The following PPP1R12C variants were observed in gnomAD, a reference collection of about 807,000 sequenced individuals.
PPP1R12C encodes protein phosphatase 1 regulatory subunit 12C, also known as leukocyte receptor cluster (LRC) encoded novel gene 3.
A neutral mutation model predicts 95.6 loss-of-function variants in PPP1R12C; 48 were observed. The ratio of observed to expected loss-of-function variants is 0.50; its 90% CI spans 0.40 to 0.64. PPP1R12C has a LOEUF of 0.64. Among genes scored for constraint, PPP1R12C ranks in the 30% least tolerant of loss-of-function variants. The pLI, the probability that PPP1R12C is intolerant of heterozygous loss-of-function variation, is 0.00. For synonymous variants in PPP1R12C, 480 were observed against 460.8 expected (o/e 1.04, Z -0.53); for missense variants, 1,057 against 1,083.3 (o/e 0.98, Z 0.34).
In PPP1R12C at chr19:55,112,597, G is replaced by A. The variant is rs1707587115; in HGVS notation, c.453-12C>T. ...GGCTCAGGAGGTACCTGGGGGTGGG[G>A]GCTGGTCAGGGCTGAGGGTCCAGGC... On this transcript the variant is annotated splice_polypyrimidine_tract_variant and intron_variant, in intron 2 of 21. Coordinates refer to ENST00000263433, the MANE Select transcript of PPP1R12C (RefSeq NM_017607.4). 1.6e-5 allele frequency: 25 copies of A among 1,612,568 alleles called. No homozygotes were observed. Among genetic ancestry groups the A allele is most frequent in the Non-Finnish European group, 2.1e-5 (25 of 1,179,264 alleles).
At chr19:55,101,007 G>A (rs1047743369) in intron 4 of PPP1R12C, among the ~76,000 whole-genome samples, 1 of 152,164 alleles carries the variant, frequency 6.6e-6, no homozygotes, top group Non-Finnish European at 1.5e-5. Context: ...CCAGCACTCT[G>A]GGAGGCTGAG....
At chr19:55,102,682 A>C (rs1485924782) in intron 4 of PPP1R12C, among the ~76,000 whole-genome samples, 1 of 152,226 alleles carries the variant, frequency 6.6e-6, no homozygotes, top group Non-Finnish European at 1.5e-5. Flanking sequence ...ATATCACTAA[A>C]GATAAAGAAG....
intron 3 of PPP1R12C, 118 bp downstream of exon 3, chr19:55,112,349 A>C: frequency 1.1e-6 from 1 of 891,964 alleles, no homozygotes; most frequent in Non-Finnish European, 1.7e-6. Context: ...GGCACAAAGA[A>C]AGACAATCCT....
chr19:55,114,846 G>C (rs1248139007), intron 1 of PPP1R12C: 1 of 152,146 alleles, frequency 6.6e-6, no homozygotes, highest in African/African-American at 2.4e-5. Context: ...TCCAGGCCAA[G>C]TAGGTGGCCT....
At chr19:55,110,030 G>C (rs1459743815) in intron 3 of PPP1R12C, among the ~76,000 whole-genome samples, 2 of 152,194 alleles carry the variant, frequency 1.3e-5, no homozygotes, top group African/African-American at 2.4e-5. Context: ...CCACGGGAGG[G>C]AAGAAGCATG....
intron 3 of PPP1R12C, among the ~76,000 whole-genome samples, chr19:55,106,129 A>C (rs1369226388): frequency 6.6e-6 from 1 of 152,156 alleles, no homozygotes; most frequent in African/African-American, 2.4e-5. Flanking sequence ...GCACTAGTGG[A>C]ATAGTGGTGC....
In PPP1R12C at chr19:55,092,796, C is replaced by G; in HGVS notation, c.1898G>C (p.Arg633Thr). ...REHRKVGKEW[R>T]GPAEGEEAEP... ...TGAGCCCCTCACCTCCGCAGGCCCC[C>G]TCCACTCCTTTCCGACCTTGCGGTG... Residue 633 changes from arginine (R) to threonine (T), a missense_variant, in exon 16 of 22, where the codon AGG becomes ACG. This residue lies in a region of PPP1R12C where 347 missense variants were observed against 307.9 expected (regional missense o/e 1.13). Transcript: ENST00000263433. 1.9e-6 allele frequency: 3 copies of G among 1,559,968 alleles called. No homozygotes were observed. The highest frequency in any genetic ancestry group is 2.6e-6 in the Non-Finnish European group (3 of 1,152,066).
rs142665039 is a variant in PPP1R12C at position 55,102,766 on chromosome 19, T to C, written c.731+643A>G. Among the ~76,000 whole-genome samples the C allele has an allele frequency of 4.2e-3, 633 of 152,314 alleles. 4 individuals are homozygous for C. Among genetic ancestry groups the C allele is most frequent in the African/African-American group, 0.015 (610 of 41,568 alleles). On this transcript the variant is annotated intron_variant, in intron 4 of 21. Transcript: ENST00000263433. ...GAGAACACTGTACCTGATGACACCATTCTTTTCCGACTTACATGTACTGGG... is the reference window on the plus strand; with the variant it reads ...GAGAACACTGTACCTGATGACACCACTCTTTTCCGACTTACATGTACTGGG...
rs546661759 is a variant in PPP1R12C at position 55,109,454 on chromosome 19, G to A, written c.571+3013C>T. Among the ~76,000 whole-genome samples, 1 of 152,360 alleles carries A rather than the reference G, an allele frequency of 6.6e-6. No individual in the cohort carries two copies. Among genetic ancestry groups the A allele is most frequent in the South Asian group, 2.1e-4 (1 of 4,830 alleles). The stretch of plus-strand genomic sequence containing the variant: ...GAACGGGTTTTGGTTCTTGCAAAGA[G>A]TCATGCCCGATTCAGCCCCTGAGTC... On this transcript the variant is annotated intron_variant, in intron 3 of 21. Transcript: ENST00000263433. The surrounding 1 kb of genome is among the most constrained non-coding windows in gnomAD (Gnocchi z 4.4).
At position 55,098,870 on chromosome 19, in the gene PPP1R12C, G is replaced by A. The variant is rs1396314974; in HGVS notation, c.877-12C>T. On this transcript the variant is annotated splice_polypyrimidine_tract_variant and intron_variant, in intron 5 of 21. Coordinates refer to ENST00000263433, the MANE Select transcript of PPP1R12C (RefSeq NM_017607.4). ...CAGGGACGCTGCCCCTGGGTCAGGG[G>A]AGGAGCAGGATCAGACAATGAAGGA... 6.2e-7 allele frequency: 1 copy of A among 1,612,934 alleles called. No homozygotes were observed. Among genetic ancestry groups the A allele is most frequent in the Non-Finnish European group, 8.5e-7 (1 of 1,179,724 alleles).
intron 16 of PPP1R12C, 50 bp downstream of exon 16, chr19:55,092,733 G>A (rs1602968927): frequency 3.3e-6 from 5 of 1,519,492 alleles, no homozygotes; most frequent in African/African-American, 1.4e-5. Flanking sequence ...GGCTTTGCCC[G>A]CCCCCCGGCC....
chr19:55,099,360 G>T (rs1224036946), intron 4 of PPP1R12C, among the ~76,000 whole-genome samples: 3 of 152,232 alleles, frequency 2.0e-5, no homozygotes, highest in Admixed American at 6.5e-5. Flanking sequence ...CTGGCAGGGG[G>T]TCACCCTGGC....
At chr19:55,113,447 C>T (rs909635621) in intron 1 of PPP1R12C, 34 of 1,493,412 alleles carry the variant, frequency 2.3e-5, no homozygotes, top group Middle Eastern at 1.9e-4. Flanking sequence ...CCCCTCTGCA[C>T]GGGGCCCTGC....
chr19:55,096,229 C>T (rs1568808197), intron 7 of PPP1R12C, 33 bp downstream of exon 7: 1 of 1,613,410 alleles, frequency 6.2e-7, no homozygotes, highest in East Asian at 2.2e-5. Context: ...CCTCCAGCCA[C>T]CCCGCCAGCC....
At position 55,094,428 on chromosome 19, in the gene PPP1R12C, G is replaced by T; in HGVS notation, c.1600C>A (p.Gln534Lys). ...ADSRDRRRSY[Q>K]MPVRDEESES... ...GACTCCTCATCCCGCACAGGCATCT[G>T]GTAGGACCTGAGGGAAGGGTCCCAA... The change falls in exon 13 of 22, where the codon CAG (glutamine) becomes AAG (lysine). Residue 534 changes from glutamine (Q) to lysine (K), a missense_variant. By Grantham distance (53) the Gln-to-Lys change is moderately conservative (BLOSUM62 1). This residue lies in a region of PPP1R12C where 356 missense variants were observed against 330.5 expected (regional missense o/e 1.08). Transcript: ENST00000263433. 6.2e-7 allele frequency: 1 copy of T among 1,613,826 alleles called. No homozygotes were observed. The highest frequency in any genetic ancestry group is 8.5e-7 in the Non-Finnish European group (1 of 1,180,014).
intron 12 of PPP1R12C, 80 bp downstream of exon 12, chr19:55,094,581 C>A: frequency 6.5e-7 from 1 of 1,528,610 alleles, no homozygotes; most frequent in South Asian, 1.2e-5. Context: ...GGAGCCCACC[C>A]AAAGCCCCGG....
Position 55,092,833 on chromosome 19 carries a change from C to T in PPP1R12C, c.1861G>A (p.Ala621Thr), listed in dbSNP as rs888453132. 2 of 1,568,832 alleles carry T rather than the reference C, an allele frequency of 1.3e-6. No individual in the cohort carries two copies. ...APDGQGPGPQ[A>T]AREHRKVGKE... The stretch of plus-strand genomic sequence containing the variant: ...CCGACCTTGCGGTGCTCCCTGGCCG[C>T]CTGCGGTCCCGGACCCTGCCCGTCG... Residue 621 changes from alanine (A) to threonine (T), a missense_variant, in exon 16 of 22, where the codon GCG becomes ACG. Ala to Thr is a moderately conservative substitution (Grantham distance 58). Coordinates refer to ENST00000263433, the MANE Select transcript of PPP1R12C (RefSeq NM_017607.4).
Position 55,096,079 on chromosome 19 carries a change from G to C in PPP1R12C, c.1125C>G (p.Asp375Glu), listed in dbSNP as rs35641913. The C allele has an allele frequency of 4.4e-6, 7 of 1,607,956 alleles. No individual in the cohort carries two copies. In the East Asian group the frequency reaches 1.3e-4, roughly 31 times the overall value. The stretch of plus-strand genomic sequence containing the variant: ...TGGGACCTTCTTCCCCCTCATCCTC[G>C]TCCTGGATGGGGGGCCCCCCAGCCC... ...PGGAGGPPIQDEDEGEEGPTE... is the reference protein window; with the variant it reads ...PGGAGGPPIQEEDEGEEGPTE... The change falls in exon 8 of 22, where the codon GAC becomes GAG. Residue 375 changes from aspartate (D) to glutamate (E), a missense_variant. Coordinates refer to ENST00000263433, the MANE Select transcript of PPP1R12C (RefSeq NM_017607.4).
intron 1 of PPP1R12C, chr19:55,113,384 C>A: frequency 2.1e-6 from 3 of 1,458,366 alleles, no homozygotes; most frequent in Non-Finnish European, 2.7e-6. Flanking sequence ...GGTGAGACAG[C>A]TGCACACCTG....
Sources: gnomAD v4.1 joint callset for allele counts (sites outside exome capture counted in the v4.1 genomes callset) on GRCh38, gnomAD v4.1.1 for gene constraint, gnomAD v4.1.1 regional missense constraint, Gnocchi (gnomAD v3.1) non-coding constraint, MANE v1.5 for transcripts, NCBI Gene and HGNC (gene_info 2026-07-23, HGNC 2026-07-21) for gene names.